Variants in LOC112694756 observed in about 807,000 individuals in gnomAD.
At chr16:30,065,708 T>G in the LOC112694756 span, 1 of 151,964 alleles carries the variant, frequency 6.6e-6, no homozygotes, top group Non-Finnish European at 1.5e-5. Flanking sequence ...AGGAAAAAGC[T>G]CGGCGGAGGG....
chr16:30,069,969 CT>C, the LOC112694756 span: 1 of 1,613,954 alleles, frequency 6.2e-7, no homozygotes, highest in African/African-American at 1.3e-5. Context: ...CCCTGAAGGC[CT>C]GGGGCGGGAA....
chr16:30,068,736 A>G, the LOC112694756 span: 1 of 1,614,176 alleles, frequency 6.2e-7, no homozygotes, highest in Admixed American at 1.7e-5. Context: ...TACGAACCCA[A>G]CCAGAGCAGG....
At chr16:30,064,129 C>T in the LOC112694756 span, 1 of 395,964 alleles carries the variant, frequency 2.5e-6, no homozygotes, top group Non-Finnish European at 4.5e-6. Flanking sequence ...TGAAGTTGGG[C>T]AGGGGGGTGG....
the LOC112694756 span, chr16:30,055,262 T>C: frequency 7.5e-6 from 3 of 399,280 alleles, no homozygotes; most frequent in Non-Finnish European, 1.3e-5. Context: ...TGCAGAAGCC[T>C]GCAACTTTCC....
At chr16:30,069,437 C>T in the LOC112694756 span, 25 of 1,613,846 alleles carry the variant, frequency 1.5e-5, no homozygotes, top group Non-Finnish European at 2.0e-5. Context: ...GCCGGGGACC[C>T]TGGGGCTAAC....
At chr16:30,062,067 G>A in the LOC112694756 span, among the ~76,000 whole-genome samples, 1 of 151,552 alleles carries the variant, frequency 6.6e-6, no homozygotes, top group Non-Finnish European at 1.5e-5. Context: ...GCTGGGTGTA[G>A]TGGCGGGCGC....
At chr16:30,070,078 G>A in the LOC112694756 span, 32 of 1,613,562 alleles carry the variant, frequency 2.0e-5, no homozygotes, top group African/African-American at 4.1e-4. Flanking sequence ...ATGGGACTCG[G>A]AGAAGAGCCC....
At chr16:30,055,944 C>T in the LOC112694756 span, among the ~76,000 whole-genome samples, 1 of 151,774 alleles carries the variant, frequency 6.6e-6, no homozygotes, top group Non-Finnish European at 1.5e-5. Context: ...GGATTATAGG[C>T]TCACACAACT....
At chr16:30,067,971 C>T in the LOC112694756 span, 1 of 454,156 alleles carries the variant, frequency 2.2e-6, no homozygotes, top group South Asian at 2.3e-5. Context: ...CCAGTGTATC[C>T]TGTCTCAGAG....
the LOC112694756 span, among the ~76,000 whole-genome samples, chr16:30,061,918 T>A: frequency 1.3e-5 from 2 of 151,694 alleles, no homozygotes; most frequent in African/African-American, 4.8e-5. Flanking sequence ...TTAAAAAATA[T>A]AAGGCTGGGC....
the LOC112694756 span, chr16:30,064,250 T>C: frequency 7.6e-6 from 3 of 394,668 alleles, no homozygotes; most frequent in African/African-American, 6.2e-5. Flanking sequence ...TTTTAGGAGG[T>C]GAGTGTAGTG....
the LOC112694756 span, among the ~76,000 whole-genome samples, chr16:30,065,133 T>A: frequency 6.6e-6 from 1 of 152,148 alleles, no homozygotes; most frequent in Non-Finnish European, 1.5e-5. Context: ...AGCCTGGAAC[T>A]CGGATGGGGA....
At chr16:30,058,837 T>G in the LOC112694756 span, 1 of 393,352 alleles carries the variant, frequency 2.5e-6, no homozygotes, top group African/African-American at 2.1e-5. Flanking sequence ...ATTCATTCAT[T>G]CATTGACTCA....
At chr16:30,067,081 G>A in the LOC112694756 span, 1 of 1,571,688 alleles carries the variant, frequency 6.4e-7, no homozygotes, top group African/African-American at 1.4e-5. Flanking sequence ...GCGTAAGAGA[G>A]AGCTGGGGAC....
the LOC112694756 span, chr16:30,068,898 AT>A: frequency 6.2e-7 from 1 of 1,614,188 alleles, no homozygotes; most frequent in Non-Finnish European, 8.5e-7. Flanking sequence ...TGTGCTGAAG[AT>A]TGGGGAACAC....
chr16:30,069,172 T>G, the LOC112694756 span: 1 of 1,334,988 alleles, frequency 7.5e-7, no homozygotes, highest in Non-Finnish European at 1.1e-6. Context: ...GGCTCTTGTC[T>G]CCTGTAATCT....
the LOC112694756 span, chr16:30,069,840 C>T: frequency 1.2e-6 from 2 of 1,614,184 alleles, no homozygotes; most frequent in Non-Finnish European, 1.7e-6. Context: ...GGATCACCTT[C>T]CTGTCTGGAG....
the LOC112694756 span, chr16:30,067,535 T>C: frequency 1.9e-6 from 3 of 1,613,734 alleles, no homozygotes; most frequent in Non-Finnish European, 2.5e-6. Context: ...TGCTGACAGC[T>C]GACGACCGCG....
At chr16:30,060,428 A>T in the LOC112694756 span, among the ~76,000 whole-genome samples, 1 of 152,054 alleles carries the variant, frequency 6.6e-6, no homozygotes, top group Non-Finnish European at 1.5e-5. Context: ...CAACAGGAAA[A>T]ATTCAAGTGA....
Sources: allele counts gnomAD v4.1 joint callset (sites outside exome capture counted in the v4.1 genomes callset), GRCh38; gene constraint gnomAD v4.1.1; transcripts MANE v1.5.